RABEP1: variants seen among roughly 807,000 people sequenced by gnomAD.
RABEP1 encodes the protein rab GTPase-binding effector protein 1.
RABEP1 carries 51 observed loss-of-function variants against 123.4 expected under a neutral mutation model. That is an observed-to-expected ratio of 0.41 (90% confidence interval 0.33 to 0.52). The LOEUF (loss-of-function observed/expected upper bound fraction) is 0.52, where lower values mean the gene tolerates loss of function less well. RABEP1 is among the 20% of genes least tolerant of loss of function. The pLI, the probability that RABEP1 is intolerant of heterozygous loss-of-function variation, is 0.16. For synonymous variants in RABEP1, 347 were observed against 355.2 expected, an observed-to-expected ratio of 0.98 and a Z score of 0.26; for missense variants, 888 against 996.3, an observed-to-expected ratio of 0.89 and a Z score of 1.46.
intron 5 of RABEP1, among the ~76,000 whole-genome samples, chr17:5,346,517 G>A (rs1369584777): frequency 1.3e-5 from 2 of 152,186 alleles, no homozygotes; most frequent in African/African-American, 2.4e-5. Flanking sequence ...ACAAATTGGA[G>A]CCGCCTTTTT....
chr17:5,299,410 A>G (rs1007866642), intron 1 of RABEP1, among the ~76,000 whole-genome samples: 1 of 150,126 alleles, frequency 6.7e-6, no homozygotes, highest in African/African-American at 2.4e-5. Flanking sequence ...AGTTTTACTT[A>G]AATCACTATT....
chr17:5,331,202 C>G (rs1906512249), intron 2 of RABEP1, among the ~76,000 whole-genome samples: 2 of 151,852 alleles, frequency 1.3e-5, no homozygotes, highest in Non-Finnish European at 2.9e-5. Flanking sequence ...AAATGAGTCA[C>G]TAGTACATAT....
intron 2 of RABEP1, among the ~76,000 whole-genome samples, chr17:5,319,550 A>G (rs935852137): frequency 1.3e-5 from 2 of 151,772 alleles, no homozygotes; most frequent in African/African-American, 2.4e-5. Flanking sequence ...TATTTTTAGT[A>G]GAGATGGGGT....
chr17:5,361,105 T>C, intron 8 of RABEP1, 103 bp from the exon 9 acceptor site: 1 of 993,378 alleles, frequency 1.0e-6, no homozygotes, highest in Non-Finnish European at 1.5e-6. Flanking sequence ...AGCACATTAA[T>C]GATTATCATG....
intron 2 of RABEP1, among the ~76,000 whole-genome samples, chr17:5,311,867 TA>T (rs1323071617): frequency 2.0e-5 from 3 of 152,206 alleles, no homozygotes; most frequent in Non-Finnish European, 4.4e-5. Context: ...ATTGTAGTTT[TA>T]TTTTTTTAAA....
rs562813549 is a variant in RABEP1, at chr17:5,379,982, T to C, written c.2272-382T>C. On this transcript the variant is annotated intron_variant, in intron 15 of 17. Coordinates refer to ENST00000537505, the MANE Select transcript of RABEP1 (RefSeq NM_004703.6). ...AGTGCGTGCCATCCATTCCCTCTTA[T>C]TGGAGTATCTCTCCATCTTCTCCCC... is the stretch of plus-strand genomic sequence containing the variant. Among the ~76,000 whole-genome samples the C allele has an allele frequency of 2.6e-5, 4 of 152,334 alleles. No homozygotes were observed. The South Asian group carries it at 6.2e-4, about 24-fold the overall frequency.
chr17:5,341,464 T>C (rs1907600360), intron 5 of RABEP1, among the ~76,000 whole-genome samples: 1 of 152,222 alleles, frequency 6.6e-6, no homozygotes, highest in Non-Finnish European at 1.5e-5. Context: ...AATCTTATTG[T>C]CTCTTGCCTC....
intron 1 of RABEP1, chr17:5,284,170 C>A (rs1321297491): frequency 6.6e-6 from 1 of 152,170 alleles, no homozygotes; most frequent in African/African-American, 2.4e-5. Flanking sequence ...AAATTCCCTG[C>A]CTCTTTGAAG....
rs540018309 is a variant in RABEP1 at position 5,286,443 on chromosome 17, G to A, written c.34+3923G>A. 2.4e-4 allele frequency among the ~76,000 whole-genome samples: 37 copies of A among 152,166 alleles called. No homozygotes were observed. The South Asian group carries it at 6.0e-3, about 25-fold the overall frequency. Reference sequence around the variant, plus strand: ...CGGGAGGTGGAGTGAGCAGTGAGCCGAGATCGTGCCACTGCACTCCAGCCT... The same window carrying A: ...CGGGAGGTGGAGTGAGCAGTGAGCCAAGATCGTGCCACTGCACTCCAGCCT... On this transcript the variant is annotated intron_variant, in intron 1 of 17. Transcript: ENST00000537505.
At chr17:5,346,554 T>G (rs1429376641) in intron 5 of RABEP1, among the ~76,000 whole-genome samples, 1 of 152,268 alleles carries the variant, frequency 6.6e-6, no homozygotes, top group Non-Finnish European at 1.5e-5. Context: ...AGCTGTTATG[T>G]GAAATCTCAA....
At chr17:5,304,059 T>A (rs922038898) in intron 1 of RABEP1, among the ~76,000 whole-genome samples, 1 of 151,852 alleles carries the variant, frequency 6.6e-6, no homozygotes, top group African/African-American at 2.4e-5. Context: ...AATAAAAATT[T>A]ATTATATTGT....
chr17:5,335,151 C>A, intron 3 of RABEP1, 33 bp from the exon 4 acceptor site: 3 of 1,533,762 alleles, frequency 2.0e-6, no homozygotes, highest in South Asian at 1.3e-5. Context: ...TTTCATAATG[C>A]TTAGATGTGA....
intron 1 of RABEP1, among the ~76,000 whole-genome samples, chr17:5,294,254 C>G (rs934237120): frequency 6.6e-6 from 1 of 152,038 alleles, no homozygotes; most frequent in Non-Finnish European, 1.5e-5. Flanking sequence ...CGTGGTGACA[C>G]GCGTTTGTAA....
intron 2 of RABEP1, among the ~76,000 whole-genome samples, chr17:5,328,645 T>TAAAAA (rs60062792): frequency 7.4e-5 from 4 of 54,104 alleles, no homozygotes; most frequent in African/African-American, 3.3e-4. Context: ...GACGCTGTGT[T>TAAAAA]AAAAAAAAAA....
Position 5,380,371 on chromosome 17 carries a change from C to G in RABEP1, c.2279C>G (p.Ser760Cys). The stretch of plus-strand genomic sequence containing the variant: ...CTTTTTCCTTTTTCACAGTTGGAGT[C>G]CACATTAAGAGAGAAGTCTCAACAG... ...RIKVEKGQLE[S>C]TLREKSQQLE... Residue 760 changes from serine to cysteine, a missense_variant, in exon 16 of 18, where the codon TCC (serine) becomes TGC (cysteine). By Grantham distance (112) the Ser-to-Cys change is moderately radical. Coordinates refer to ENST00000537505, the MANE Select transcript of RABEP1 (RefSeq NM_004703.6). The G allele has an allele frequency of 1.3e-6, 2 of 1,562,102 alleles. No homozygotes were observed. Among genetic ancestry groups the G allele is most frequent in the Non-Finnish European group, 8.7e-7 (1 of 1,151,212 alleles).
chr17:5,344,641 G>A (rs1023894345), intron 5 of RABEP1, among the ~76,000 whole-genome samples: 1 of 151,422 alleles, frequency 6.6e-6, no homozygotes, highest in African/African-American at 2.4e-5. Flanking sequence ...GCGTGGTGGC[G>A]GGCACCTGTA....
chr17:5,289,765 A>G (rs552179556), intron 1 of RABEP1, among the ~76,000 whole-genome samples: 46 of 152,242 alleles, frequency 3.0e-4, no homozygotes, highest in African/African-American at 1.1e-3. Flanking sequence ...CGTTTATTCA[A>G]TAGTTCATGT....
Position 5,282,318 on chromosome 17 carries a change from C to A in RABEP1, c.-169C>A, listed in dbSNP as rs918676349. The A allele has an allele frequency of 1.3e-5, 6 of 450,284 alleles. No individual in the cohort carries two copies. The South Asian group carries it at 2.5e-4, about 19-fold the overall frequency. The allele number at this position is 450,284 out of a possible 1,614,324, so 27.9% of individuals were successfully genotyped here. ...AGGAGGCGGAGGTCGGCGGTCGGGTCCGTCTCTGCCCGCGGCTGTGGCGGC... is the reference window on the plus strand; with the variant it reads ...AGGAGGCGGAGGTCGGCGGTCGGGTACGTCTCTGCCCGCGGCTGTGGCGGC... On this transcript the variant is annotated 5_prime_UTR_variant, in exon 1 of 18. Transcript: ENST00000537505.
intron 6 of RABEP1, among the ~76,000 whole-genome samples, chr17:5,348,490 A>G (rs984728980): frequency 2.6e-5 from 4 of 152,220 alleles, no homozygotes; most frequent in African/African-American, 9.6e-5. Flanking sequence ...AGGCCAGGAC[A>G]TAGAGGTCTT....
Sources: gnomAD v4.1 joint callset for allele counts (sites outside exome capture counted in the v4.1 genomes callset) on GRCh38, gnomAD v4.1.1 for gene constraint, MANE v1.5 for transcripts, NCBI Gene and HGNC (gene_info 2026-07-23, HGNC 2026-07-21) for gene names.